COL24A1: variants seen among roughly 807,000 people sequenced by gnomAD.
The protein encoded by COL24A1 is collagen type XXIV alpha 1 chain.
A neutral mutation model predicts 253.9 loss-of-function variants in COL24A1; 224 were observed. The ratio of observed to expected loss-of-function variants is 0.88; its 90% CI spans 0.79 to 0.99. COL24A1 has a LOEUF of 0.99. Ranked by LOEUF, COL24A1 falls within the 50% of genes least tolerant of loss-of-function variation. The pLI, the probability that COL24A1 is intolerant of heterozygous loss-of-function variation, is 0.00. For synonymous variants in COL24A1, 685 were observed against 673.7 expected (o/e 1.02, Z -0.26); for missense variants, 2,131 against 2,068.5 (o/e 1.03, Z -0.59).
At chr1:85,759,438 T>C (rs1666616466) in intron 55 of COL24A1, among the ~76,000 whole-genome samples, 1 of 152,190 alleles carries the variant, frequency 6.6e-6, no homozygotes. Context: ...AGGCTGACTT[T>C]AGAAAGAATG....
chr1:85,796,922 C>T (rs313736), intron 47 of COL24A1, among the ~76,000 whole-genome samples: 50,735 of 151,802 alleles, frequency 0.33, 9,727 homozygotes, highest in East Asian at 0.57. Context: ...AATTCCTGGC[C>T]GGGCACGGTG....
At chr1:86,078,396 C>T (rs778533385) in intron 7 of COL24A1, among the ~76,000 whole-genome samples, 11 of 152,022 alleles carry the variant, frequency 7.2e-5, no homozygotes, top group Non-Finnish European at 1.5e-4. Context: ...ATCTGGAACA[C>T]GACAAGGATG....
At chr1:85,979,065 T>G (rs1692982983) in intron 20 of COL24A1, among the ~76,000 whole-genome samples, 1 of 151,994 alleles carries the variant, frequency 6.6e-6, no homozygotes, top group Non-Finnish European at 1.5e-5. Flanking sequence ...CACATGAAAA[T>G]TAAATCATCT....
At chr1:85,812,119 C>T (rs1672612146) in intron 47 of COL24A1, among the ~76,000 whole-genome samples, 1 of 152,154 alleles carries the variant, frequency 6.6e-6, no homozygotes, top group Non-Finnish European at 1.5e-5. Flanking sequence ...TCTGTTTTGC[C>T]CATTATGAAC....
At chr1:86,087,423 T>C (rs1703143222) in intron 7 of COL24A1, among the ~76,000 whole-genome samples, 1 of 152,144 alleles carries the variant, frequency 6.6e-6, no homozygotes, top group Non-Finnish European at 1.5e-5. Flanking sequence ...GATAATCTGC[T>C]CTAATGGTTA....
chr1:85,930,175 A>T (rs1429166125), intron 24 of COL24A1, among the ~76,000 whole-genome samples: 1 of 55,786 alleles, frequency 1.8e-5, no homozygotes, highest in African/African-American at 8.2e-5. Flanking sequence ...AACAAAATTG[A>T]TAGACTGCTA....
intron 55 of COL24A1, among the ~76,000 whole-genome samples, chr1:85,747,918 C>G (rs563136155): frequency 6.6e-5 from 10 of 152,214 alleles, no homozygotes; most frequent in African/African-American, 2.4e-4. Context: ...ATTTTATTAA[C>G]ATAATATATT....
At chr1:86,087,319 C>T (rs1703132481) in intron 7 of COL24A1, among the ~76,000 whole-genome samples, 1 of 152,090 alleles carries the variant, frequency 6.6e-6, no homozygotes, top group Non-Finnish European at 1.5e-5. Flanking sequence ...TATATTCTTA[C>T]TATTTTAAAA....
At chr1:85,826,987 C>T (rs1436492508) in intron 43 of COL24A1, among the ~76,000 whole-genome samples, 2 of 151,770 alleles carry the variant, frequency 1.3e-5, no homozygotes, top group African/African-American at 2.4e-5. Context: ...TGAGAGAGGG[C>T]ATCCCTGTCT....
At chr1:85,920,706 TA>T (rs796950628) in intron 24 of COL24A1, among the ~76,000 whole-genome samples, 10 of 149,426 alleles carry the variant, frequency 6.7e-5, no homozygotes, top group East Asian at 2.0e-4. Context: ...ATATCATCAT[TA>T]AAAAAAAACA....
At chr1:85,759,144 A>AT (rs1232381017) in intron 55 of COL24A1, among the ~76,000 whole-genome samples, 105 of 152,220 alleles carry the variant, frequency 6.9e-4, no homozygotes, top group Middle Eastern at 6.8e-3. Context: ...CTATGAGTCT[A>AT]ATTTTTTATA....
At position 86,156,582 on chromosome 1, in the gene COL24A1, C is replaced by T. The variant is rs1406656096; in HGVS notation, c.-186G>A. On this transcript the variant is annotated 5_prime_UTR_variant, in exon 1 of 60. Coordinates refer to ENST00000370571, the MANE Select transcript of COL24A1 (RefSeq NM_152890.7). The stretch of plus-strand genomic sequence containing the variant: ...TCGGGAGGAGGTAGGAAATAGCACC[C>T]GAAGGGGAGGACAGGCTTCCTAGCT... 4.4e-6 allele frequency: 2 copies of T among 453,210 alleles called. No homozygotes were observed. Among genetic ancestry groups the T allele is most frequent in the Non-Finnish European group, 7.7e-6 (2 of 260,044 alleles). 28.1% of individuals were successfully genotyped at this position (453,210 alleles called of 1,614,324 possible).
At chr1:85,791,524 A>G (rs1319580458) in intron 47 of COL24A1, among the ~76,000 whole-genome samples, 3 of 152,280 alleles carry the variant, frequency 2.0e-5, no homozygotes, top group Non-Finnish European at 4.4e-5. Flanking sequence ...ATAAATTTCC[A>G]TATTTCAAAA....
intron 5 of COL24A1, among the ~76,000 whole-genome samples, chr1:86,100,551 G>A (rs139115823): frequency 3.9e-5 from 6 of 152,210 alleles, no homozygotes; most frequent in East Asian, 1.9e-4. Flanking sequence ...TGATAGGGGT[G>A]TCTTTTGTTA....
chr1:86,117,403 A>C (rs1234232479), intron 3 of COL24A1, among the ~76,000 whole-genome samples: 1 of 152,210 alleles, frequency 6.6e-6, no homozygotes, highest in Non-Finnish European at 1.5e-5. Flanking sequence ...CCAACTACCA[A>C]ACATGCCAGC....
chr1:86,123,040 T>A (rs1647622965), intron 3 of COL24A1, among the ~76,000 whole-genome samples: 1 of 151,966 alleles, frequency 6.6e-6, no homozygotes, highest in African/African-American at 2.4e-5. Flanking sequence ...AATGTCATTG[T>A]GGGAAAGTAA....
intron 2 of COL24A1, among the ~76,000 whole-genome samples, chr1:86,126,640 T>C (rs946735760): frequency 1.3e-5 from 2 of 151,978 alleles, no homozygotes; most frequent in African/African-American, 4.8e-5. Flanking sequence ...ACCTGGCTAA[T>C]TTTTGTATTT....
At chr1:85,972,152 G>A (rs1278637450) in intron 20 of COL24A1, among the ~76,000 whole-genome samples, 1 of 152,056 alleles carries the variant, frequency 6.6e-6, no homozygotes, top group Non-Finnish European at 1.5e-5. Context: ...AAAGTTCTAA[G>A]TCTCTTTTTA....
At position 85,961,249 on chromosome 1, in the gene COL24A1, T is replaced by C; in HGVS notation, c.2562A>G (p.Thr854=). The change falls in exon 24 of 60, where the codon ACA becomes ACG. Residue 854 remains threonine (T), a splice_region_variant and synonymous_variant. Coordinates refer to ENST00000370571, the MANE Select transcript of COL24A1 (RefSeq NM_152890.7). ...DQGNIGKIGE[T]GPVGLPGEVG... Reference sequence around the variant, plus strand: ...AAATAAGAGCATAAAATAAGCTTACTGTTTCACCAATTTTTCCAATATTTC... The same window carrying C: ...AAATAAGAGCATAAAATAAGCTTACCGTTTCACCAATTTTTCCAATATTTC... 1.9e-6 allele frequency: 3 copies of C among 1,597,580 alleles called. No homozygotes were observed. The highest frequency in any genetic ancestry group is 1.7e-6 in the Non-Finnish European group (2 of 1,165,708).
Sources: gnomAD v4.1 joint callset for allele counts (sites outside exome capture counted in the v4.1 genomes callset) on GRCh38, gnomAD v4.1.1 for gene constraint, MANE v1.5 for transcripts, NCBI Gene and HGNC (gene_info 2026-07-23, HGNC 2026-07-21) for gene names.